SPATA16: variants seen among roughly 807,000 people sequenced by gnomAD.
SPATA16 encodes spermatogenesis associated 16, also known as spermatogenesis-associated protein 16.
A neutral mutation model predicts 63.3 loss-of-function variants in SPATA16; 36 were observed. The ratio of observed to expected loss-of-function variants is 0.57; its 90% CI spans 0.44 to 0.75. The LOEUF is 0.75. Ranked by LOEUF, SPATA16 falls within the 30% of genes least tolerant of loss-of-function variation. The probability of loss-of-function intolerance (pLI) is 0.00; values close to 1 mark genes in which losing one functional copy is unlikely to be tolerated. For missense variants in SPATA16, 646 were observed against 679.3 expected (o/e 0.95, Z 0.54); for synonymous variants, 203 against 216.7 (o/e 0.94, Z 0.56).
At chr3:172,943,210 A>T (rs1235242677) in intron 6 of SPATA16, among the ~76,000 whole-genome samples, 1 of 152,238 alleles carries the variant, frequency 6.6e-6, no homozygotes, top group Non-Finnish European at 1.5e-5. Context: ...ATGCAATAGA[A>T]AGGTTCGACA....
chr3:173,057,409 G>T (rs1736263573), intron 2 of SPATA16, among the ~76,000 whole-genome samples: 1 of 151,104 alleles, frequency 6.6e-6, no homozygotes, highest in African/African-American at 2.5e-5. Context: ...CACCATACCT[G>T]GCCTATAGTG....
chr3:173,024,352 A>G (rs1035707144), intron 3 of SPATA16, among the ~76,000 whole-genome samples: 1 of 151,590 alleles, frequency 6.6e-6, no homozygotes, highest in Non-Finnish European at 1.5e-5. Context: ...GAGTGTTTCA[A>G]TATTTCATTG....
chr3:172,936,349 G>T (rs190172135), intron 6 of SPATA16, among the ~76,000 whole-genome samples: 33 of 152,304 alleles, frequency 2.2e-4, no homozygotes, highest in African/African-American at 7.7e-4. Context: ...CAACAGCAGG[G>T]CTTGGAGAAC....
At chr3:172,973,589 C>G (rs1734092752) in intron 5 of SPATA16, among the ~76,000 whole-genome samples, 1 of 152,118 alleles carries the variant, frequency 6.6e-6, no homozygotes, top group Non-Finnish European at 1.5e-5. Flanking sequence ...AAAGTGAATG[C>G]AGCAGGACAG....
At chr3:173,057,785 A>T (rs1033443249) in intron 2 of SPATA16, among the ~76,000 whole-genome samples, 6 of 152,214 alleles carry the variant, frequency 3.9e-5, no homozygotes, top group African/African-American at 1.4e-4. Flanking sequence ...AAATCAACAG[A>T]AAAACATTAC....
At chr3:173,012,755 T>A (rs2108272636) in intron 4 of SPATA16, among the ~76,000 whole-genome samples, 1 of 152,242 alleles carries the variant, frequency 6.6e-6, no homozygotes, top group Admixed American at 6.5e-5. Flanking sequence ...ACCACTACCT[T>A]TCACCATACA....
At chr3:173,020,569 A>G (rs532683574) in intron 3 of SPATA16, among the ~76,000 whole-genome samples, 1 of 152,310 alleles carries the variant, frequency 6.6e-6, no homozygotes, top group East Asian at 1.9e-4. Flanking sequence ...TGGAATCTCA[A>G]TCCAAACCTA....
intron 3 of SPATA16, among the ~76,000 whole-genome samples, chr3:173,043,097 A>T (rs1735880875): frequency 6.6e-6 from 1 of 152,094 alleles, no homozygotes; most frequent in Admixed American, 6.6e-5. Flanking sequence ...TTGCAATGTA[A>T]TCCAGACTGA....
intron 2 of SPATA16, among the ~76,000 whole-genome samples, chr3:173,075,815 A>G (rs1473897894): frequency 6.6e-6 from 1 of 152,126 alleles, no homozygotes; most frequent in African/African-American, 2.4e-5. Flanking sequence ...GTTAGTGCAT[A>G]CAAGAATATA....
At chr3:173,028,383 A>G (rs1735517619) in intron 3 of SPATA16, among the ~76,000 whole-genome samples, 1 of 151,886 alleles carries the variant, frequency 6.6e-6, no homozygotes, top group Admixed American at 6.6e-5. Flanking sequence ...GATTAATGCT[A>G]TGTAAGTATG....
At chr3:173,137,452 A>G (rs1738576994) in intron 1 of SPATA16, among the ~76,000 whole-genome samples, 1 of 152,212 alleles carries the variant, frequency 6.6e-6, no homozygotes, top group African/African-American at 2.4e-5. Flanking sequence ...TTCTATAACA[A>G]CAGAGTCACA....
chr3:173,107,871 A>G (rs1045061791), intron 2 of SPATA16, among the ~76,000 whole-genome samples: 1 of 152,150 alleles, frequency 6.6e-6, no homozygotes, highest in African/African-American at 2.4e-5. Context: ...ATGTTTTGCA[A>G]CATGATCCGA....
At chr3:172,985,809 G>A (rs1734440640) in intron 4 of SPATA16, among the ~76,000 whole-genome samples, 1 of 152,156 alleles carries the variant, frequency 6.6e-6, no homozygotes, top group Admixed American at 6.5e-5. Flanking sequence ...GGTTTGTGTA[G>A]AGGAAGAAAG....
chr3:173,051,648 A>G (rs1232429392), intron 2 of SPATA16, among the ~76,000 whole-genome samples: 1 of 151,950 alleles, frequency 6.6e-6, no homozygotes, highest in Non-Finnish European at 1.5e-5. Context: ...AGTTAATTTT[A>G]TCTTTAAATG....
At chr3:173,015,034 A>T (rs1414841847) in intron 4 of SPATA16, among the ~76,000 whole-genome samples, 1 of 151,476 alleles carries the variant, frequency 6.6e-6, no homozygotes, top group Non-Finnish European at 1.5e-5. Context: ...GCATGTAGAA[A>T]TACACAGAAA....
At chr3:173,019,376 A>G in intron 4 of SPATA16, 110 bp downstream of exon 4, 1 of 968,406 alleles carries the variant, frequency 1.0e-6, no homozygotes, top group Non-Finnish European at 1.7e-6. Context: ...ATTTGGATAA[A>G]ATCATATTCC....
In SPATA16 at chr3:172,913,669, T is replaced by A; in HGVS notation, c.1579A>T (p.Ile527Phe). Residue 527 changes from isoleucine to phenylalanine, a missense_variant, in exon 10 of 11, where the codon ATC becomes TTC. Ile to Phe is a conservative substitution (Grantham distance 21, BLOSUM62 0). Transcript: ENST00000351008. The stretch of plus-strand genomic sequence containing the variant: ...TCAGCTCAAAGTTTTACCTTTTGGA[T>A]CATATTCCACACACGTTCATTATTG... ...RNNNERVWNM[I>F]QKVGQIEDFL... is the part of the protein sequence containing the mutation. 1 of 1,613,578 alleles carries A rather than the reference T, an allele frequency of 6.2e-7. No homozygotes were observed. The highest frequency in any genetic ancestry group is 8.5e-7 in the Non-Finnish European group (1 of 1,179,636).
chr3:173,053,821 T>C (rs1328934201), intron 2 of SPATA16, among the ~76,000 whole-genome samples: 1 of 152,102 alleles, frequency 6.6e-6, no homozygotes, highest in Non-Finnish European at 1.5e-5. Context: ...AATAAGGATA[T>C]AGATAATCAT....
chr3:173,135,276 C>T (rs751354862), intron 1 of SPATA16, among the ~76,000 whole-genome samples: 19 of 152,164 alleles, frequency 1.2e-4, no homozygotes, highest in Non-Finnish European at 1.9e-4. Flanking sequence ...AGCAAATCCA[C>T]CAGAAGGCCA....
Sources: gnomAD v4.1 joint callset for allele counts (sites outside exome capture counted in the v4.1 genomes callset) on GRCh38, gnomAD v4.1.1 for gene constraint, MANE v1.5 for transcripts, NCBI Gene and HGNC (gene_info 2026-07-23, HGNC 2026-07-21) for gene names.